Variants in CORO7 observed in about 807,000 individuals in gnomAD.
CORO7 encodes coronin-7.
In CORO7, 107 loss-of-function variants were observed where a neutral mutation model predicts 126.6. The observed-to-expected ratio is 0.85, with a 90% CI of 0.72 to 0.99. CORO7 has a LOEUF of 0.99. CORO7 is among the 50% of genes least tolerant of loss of function. The pLI, the probability that CORO7 is intolerant of heterozygous loss-of-function variation, is 0.00. For synonymous variants in CORO7, 603 were observed against 536.8 expected, an observed-to-expected ratio of 1.12 and a Z score of -1.70; for missense variants, 1,314 against 1,255.8, an observed-to-expected ratio of 1.05 and a Z score of -0.70.
intron 1 of CORO7, 129 bp downstream of exon 1, chr16:4,416,330 G>A (rs1348563393): frequency 1.6e-6 from 2 of 1,286,950 alleles, no homozygotes; most frequent in East Asian, 3.1e-5. Context: ...CCTGAAGGGG[G>A]GTTCCCCGGG....
Position 4,359,571 on chromosome 16 carries a change from C to T in CORO7, c.2159G>A (p.Gly720Glu). ...GTCCAGGCCCAACACTGCCAAGGGTCCGCCGGCCAGGGCCTCAGCTTCATA... is the reference window on the plus strand; with the variant it reads ...GTCCAGGCCCAACACTGCCAAGGGTTCGCCGGCCAGGGCCTCAGCTTCATA... ...LLYEAEALAG[G>E]PLAVLGLDVA... Residue 720 changes from glycine (G) to glutamate (E), a missense_variant, in exon 22 of 28, where the codon GGA becomes GAA. Gly to Glu is a moderately conservative substitution (Grantham distance 98). Transcript: ENST00000251166. 6.2e-7 allele frequency: 1 copy of T among 1,612,290 alleles called. No individual in the cohort carries two copies. Among genetic ancestry groups the T allele is most frequent in the Non-Finnish European group, 8.5e-7 (1 of 1,179,196 alleles).
intron 1 of CORO7, among the ~76,000 whole-genome samples, chr16:4,416,218 G>C (rs1476108728): frequency 6.6e-6 from 1 of 152,168 alleles, no homozygotes; most frequent in Admixed American, 6.5e-5. Context: ...AGGTGGGCGA[G>C]GCGGGCAGAC....
At chr16:4,373,673 G>A (rs555469163) in intron 9 of CORO7, among the ~76,000 whole-genome samples, 1 of 152,264 alleles carries the variant, frequency 6.6e-6, no homozygotes, top group South Asian at 2.1e-4. Flanking sequence ...TGACAGCCCC[G>A]GGGGAGCTGG....
chr16:4,396,010 G>GTGTGTGTGTGTA (rs1266235779), intron 6 of CORO7, among the ~76,000 whole-genome samples: 1 of 149,456 alleles, frequency 6.7e-6, no homozygotes, highest in Non-Finnish European at 1.5e-5. Flanking sequence ...GTGTGTGTGT[G>GTGTGTGTGTGTA]TACACAAACA....
At chr16:4,363,698 C>T (rs567243243) in intron 14 of CORO7, among the ~76,000 whole-genome samples, 17 of 146,156 alleles carry the variant, frequency 1.2e-4, no homozygotes, top group South Asian at 2.2e-4. Context: ...GACGACAGGG[C>T]GAGACTCATC....
At chr16:4,382,701 G>A (rs756944289) in intron 9 of CORO7, 35 of 1,547,704 alleles carry the variant, frequency 2.3e-5, no homozygotes, top group East Asian at 1.2e-4. Flanking sequence ...TGGCAGCAGC[G>A]GCTCAGGACA....
chr16:4,406,798 C>T (rs1302358871), intron 5 of CORO7, among the ~76,000 whole-genome samples: 2 of 151,888 alleles, frequency 1.3e-5, no homozygotes, highest in East Asian at 3.9e-4. Context: ...CGCCACCACA[C>T]CCAGCTAAGT....
chr16:4,361,044 C>T lies in CORO7; in HGVS notation c.1816G>A (p.Ala606Thr). 1 of 1,613,374 alleles carries T rather than the reference C, an allele frequency of 6.2e-7. No individual in the cohort carries two copies. Among genetic ancestry groups the T allele is most frequent in the Non-Finnish European group, 8.5e-7 (1 of 1,180,014 alleles). The change falls in exon 19 of 28, where the codon GCA becomes ACA. Residue 606 changes from alanine to threonine, a missense_variant. Transcript: ENST00000251166. Reference protein sequence around the residue: ...KICSLRFHPLAANVLASSSYD... With the variant: ...KICSLRFHPLTANVLASSSYD... ...GAGGACGAGGCCAGCACATTGGCTG[C>T]CAGTGGGTGGAAGCGCAGGGAGCAG... is the stretch of plus-strand genomic sequence containing the variant.
rs976019178 is a variant in CORO7 at position 4,412,567 on chromosome 16, C to T, written c.158-137G>A. 1.3e-5 allele frequency: 11 copies of T among 843,316 alleles called. No individual in the cohort carries two copies. The African/African-American group carries it at 1.9e-4, about 14-fold the overall frequency. 52.2% of individuals were successfully genotyped at this position (843,316 alleles called of 1,614,324 possible). A position where few individuals can be genotyped will look rare whatever the true frequency, so the allele number is the denominator to read the frequency against. On this transcript the variant is annotated intron_variant, in intron 2 of 27. Coordinates refer to ENST00000251166, the MANE Select transcript of CORO7 (RefSeq NM_024535.5). Reference sequence around the variant, plus strand: ...CCTCTACCAATCACAAGATCATATCCTCTGCACGTAGCAATGGCCTGTGGG... The same window carrying T: ...CCTCTACCAATCACAAGATCATATCTTCTGCACGTAGCAATGGCCTGTGGG...
chr16:4,382,214 G>A, intron 9 of CORO7: 1 of 1,604,634 alleles, frequency 6.2e-7, no homozygotes, highest in Non-Finnish European at 8.5e-7. Context: ...AGCCAGATGG[G>A]GCAGGGGACA....
chr16:4,408,215 T>A lies in CORO7; in HGVS notation c.269A>T (p.Asp90Val). The part of the protein sequence containing the change: ...VTDLDFSPFD[D>V]FLLATGSADR... ...AGCCGAGCCTGTGGCCAGGAGGAAG[T>A]CATCAAAGGGCGAGAAGTCCAAGTC... The change falls in exon 4 of 28, where the codon GAC (aspartate) becomes GTC (valine). Residue 90 changes from aspartate to valine, a missense_variant. Coordinates refer to ENST00000251166, the MANE Select transcript of CORO7 (RefSeq NM_024535.5). 1.2e-6 allele frequency: 2 copies of A among 1,614,022 alleles called. No individual in the cohort carries two copies. The highest frequency in any genetic ancestry group is 1.7e-6 in the Non-Finnish European group (2 of 1,179,980).
intron 6 of CORO7, among the ~76,000 whole-genome samples, chr16:4,404,587 A>AC (rs2055927058): frequency 6.6e-6 from 1 of 152,126 alleles, no homozygotes; most frequent in African/African-American, 2.4e-5. Context: ...GGCTGCAGCC[A>AC]CCCTGGAGCG....
chr16:4,361,850 G>A, intron 16 of CORO7, 135 bp downstream of exon 16: 8 of 1,382,514 alleles, frequency 5.8e-6, no homozygotes, highest in African/African-American at 1.4e-5. Context: ...AGGTGGCTGG[G>A]AGGATCACAG....
chr16:4,400,653 A>T (rs2055764750), intron 6 of CORO7, among the ~76,000 whole-genome samples: 1 of 146,034 alleles, frequency 6.8e-6, no homozygotes, highest in Non-Finnish European at 1.5e-5. Context: ...AACAAAAACA[A>T]AAACAAAAAA....
intron 26 of CORO7, chr16:4,355,660 G>A (rs1379491320): frequency 2.5e-5 from 9 of 367,024 alleles, no homozygotes; most frequent in African/African-American, 1.7e-4. Context: ...AGTAGAGACG[G>A]GGGTTTCACC....
At chr16:4,401,977 C>T (rs2055826754) in intron 6 of CORO7, among the ~76,000 whole-genome samples, 1 of 149,218 alleles carries the variant, frequency 6.7e-6, no homozygotes, top group African/African-American at 2.5e-5. Context: ...CTTGCTCTGT[C>T]GCCCAGGCTG....
chr16:4,360,170 G>GT, intron 21 of CORO7, 108 bp downstream of exon 21: 2 of 1,426,918 alleles, frequency 1.4e-6, no homozygotes, highest in Non-Finnish European at 1.9e-6. Context: ...CAACCATCCA[G>GT]TGAGGGGCAG....
Position 4,416,538 on chromosome 16 carries a change from G to A in CORO7, c.-20C>T, listed in dbSNP as rs1224615603. 6.4e-7 allele frequency: 1 copy of A among 1,571,168 alleles called. No individual in the cohort carries two copies. Among genetic ancestry groups the A allele is most frequent in the Non-Finnish European group, 8.6e-7 (1 of 1,162,344 alleles). ...GTTCATGGCGACGGGCACGGCGGCG[G>A]ACGCGTCTTCGAGGACCCCGGGCGT... On this transcript the variant is annotated 5_prime_UTR_variant, in exon 1 of 28. Transcript: ENST00000251166.
chr16:4,370,393 C>A (rs2054483464), intron 9 of CORO7, among the ~76,000 whole-genome samples: 1 of 152,214 alleles, frequency 6.6e-6, no homozygotes, highest in Admixed American at 6.5e-5. Context: ...GGAGCAACCG[C>A]CACTCAGCCC....
Sources: allele counts gnomAD v4.1 joint callset (sites outside exome capture counted in the v4.1 genomes callset), GRCh38; gene constraint gnomAD v4.1.1; transcripts MANE v1.5; gene names NCBI Gene and HGNC (gene_info 2026-07-23, HGNC 2026-07-21).